The following NXPE2 variants were observed in gnomAD, a reference collection of about 807,000 sequenced individuals.
NXPE2 encodes neurexophilin and PC-esterase domain family member 2, also known as NXPE family member 2.
In NXPE2, 34 loss-of-function variants were observed where a neutral mutation model predicts 34.4. That is an observed-to-expected ratio of 0.99 (90% CI 0.75 to 1.31). The LOEUF is 1.31. Ranked by LOEUF, NXPE2 falls within the 40% of genes most tolerant of loss-of-function variation. NXPE2 has a pLI of 0.00. For missense variants in NXPE2, 649 were observed against 672.5 expected (o/e 0.97, Z 0.39); for synonymous variants, 235 against 231.3 (o/e 1.02, Z -0.15).
At chr11:114,789,976 T>C in the NXPE2 span, among the ~76,000 whole-genome samples, 6 of 152,220 alleles carry the variant, frequency 3.9e-5, no homozygotes, top group African/African-American at 1.4e-4. Context: ...GAGAAGGCCA[T>C]GCAGGGAATT....
the NXPE2 span, among the ~76,000 whole-genome samples, chr11:114,720,701 A>C: frequency 6.6e-6 from 1 of 152,352 alleles, no homozygotes; most frequent in Non-Finnish European, 1.5e-5. Flanking sequence ...TTATAGGTTG[A>C]ATATATTAAG....
the NXPE2 span, among the ~76,000 whole-genome samples, chr11:114,596,594 C>T: frequency 2.0e-5 from 3 of 152,210 alleles, no homozygotes; most frequent in Non-Finnish European, 2.9e-5. Flanking sequence ...TTCACCTTAA[C>T]AATACTTCTT....
At chr11:114,614,852 T>C in the NXPE2 span, among the ~76,000 whole-genome samples, 8 of 150,378 alleles carry the variant, frequency 5.3e-5, no homozygotes, top group Non-Finnish European at 1.0e-4. Flanking sequence ...AGTGTTGCCT[T>C]ATGGGTTACC....
downstream of NXPE2, among the ~76,000 whole-genome samples, chr11:114,708,326 G>T (rs1951505254): frequency 6.6e-6 from 1 of 152,128 alleles, no homozygotes; most frequent in Non-Finnish European, 1.5e-5. Flanking sequence ...CTTGATTCTT[G>T]GATATCCTAA....
the NXPE2 span, chr11:114,570,894 A>C: frequency 1.4e-6 from 2 of 1,408,310 alleles, no homozygotes; most frequent in East Asian, 2.5e-5. Flanking sequence ...GACAGTCAAT[A>C]AATTTTTTTA....
the NXPE2 span, among the ~76,000 whole-genome samples, chr11:114,629,583 T>G: frequency 3.3e-5 from 5 of 152,020 alleles, no homozygotes; most frequent in African/African-American, 4.8e-5. Context: ...GGGCAAAAAC[T>G]GGAAGCATTC....
the NXPE2 span, among the ~76,000 whole-genome samples, chr11:114,780,053 C>G: frequency 6.6e-6 from 1 of 152,202 alleles, no homozygotes; most frequent in African/African-American, 2.4e-5. Flanking sequence ...CCAGCAACAA[C>G]CCCCATGTGT....
At chr11:114,727,774 A>ACCACACAC in the NXPE2 span, among the ~76,000 whole-genome samples, 1 of 127,584 alleles carries the variant, frequency 7.8e-6, no homozygotes, top group Non-Finnish European at 1.7e-5. Context: ...ATGTGTACAC[A>ACCACACAC]ACACACACAC....
At chr11:114,542,730 A>G in the NXPE2 span, among the ~76,000 whole-genome samples, 1 of 152,202 alleles carries the variant, frequency 6.6e-6, no homozygotes, top group African/African-American at 2.4e-5. Context: ...GAGGGAAGCA[A>G]TAGTCATTTA....
upstream of NXPE2, among the ~76,000 whole-genome samples, chr11:114,678,224 T>A (rs75038871): frequency 0.16 from 23,791 of 152,114 alleles, 2,161 homozygotes; most frequent in South Asian, 0.2. Context: ...AGGTGACTAA[T>A]CCTACGTGAA....
chr11:114,616,746 G>A, the NXPE2 span, among the ~76,000 whole-genome samples: 13 of 148,890 alleles, frequency 8.7e-5, no homozygotes, highest in African/African-American at 1.3e-4. Flanking sequence ...GGGTAACCAC[G>A]GTTAACCGGT....
At chr11:114,781,308 T>C in the NXPE2 span, among the ~76,000 whole-genome samples, 2 of 152,298 alleles carry the variant, frequency 1.3e-5, no homozygotes, top group South Asian at 4.1e-4. Flanking sequence ...GAAGACAGAA[T>C]TGCTTTTCCC....
chr11:114,643,784 T>A, the NXPE2 span, among the ~76,000 whole-genome samples: 435 of 152,118 alleles, frequency 2.9e-3, 3 homozygotes, highest in South Asian at 0.015. Context: ...GTTTTTTTTT[T>A]AATAATTCTG....
chr11:114,585,691 A>C, the NXPE2 span, among the ~76,000 whole-genome samples: 1 of 152,142 alleles, frequency 6.6e-6, no homozygotes, highest in East Asian at 1.9e-4. Flanking sequence ...GAAATTATTT[A>C]GGTAGACAGT....
At chr11:114,639,867 T>A in the NXPE2 span, among the ~76,000 whole-genome samples, 205 of 44,726 alleles carry the variant, frequency 4.6e-3, no homozygotes, top group South Asian at 7.1e-3. Context: ...TATTATATTT[T>A]ATATTAAATA....
chr11:114,515,885 C>T, the NXPE2 span, among the ~76,000 whole-genome samples: 2,577 of 152,064 alleles, frequency 0.017, 52 homozygotes, highest in African/African-American at 0.056. Flanking sequence ...CATAAAGCTT[C>T]AATTTTGAAT....
chr11:114,695,773 A>G (rs1192541666), intron 2 of NXPE2, among the ~76,000 whole-genome samples: 1 of 151,394 alleles, frequency 6.6e-6, no homozygotes, highest in African/African-American at 2.4e-5. Context: ...CAGGCGGATC[A>G]CGAAGTCAGA....
the NXPE2 span, among the ~76,000 whole-genome samples, chr11:114,620,276 G>A: frequency 1.8e-4 from 27 of 151,488 alleles, no homozygotes; most frequent in African/African-American, 3.6e-4. Context: ...ACGGTTACCC[G>A]GTGGATAATA....
At chr11:114,766,027 C>T in the NXPE2 span, among the ~76,000 whole-genome samples, 2 of 152,144 alleles carry the variant, frequency 1.3e-5, no homozygotes, top group African/African-American at 4.8e-5. Context: ...TTTTTCCAAA[C>T]ACTTCATGTT....
Sources: gnomAD v4.1 joint callset for allele counts (sites outside exome capture counted in the v4.1 genomes callset) on GRCh38, gnomAD v4.1.1 for gene constraint, MANE v1.5 for transcripts, NCBI Gene and HGNC (gene_info 2026-07-23, HGNC 2026-07-21) for gene names.